The following NTM variants were observed in gnomAD, a reference collection of about 807,000 sequenced individuals.
The protein encoded by NTM is IgLON family member 2.
A neutral mutation model predicts 42.1 loss-of-function variants in NTM; 13 were observed. The ratio of observed to expected loss-of-function variants is 0.31; its 90% confidence interval spans 0.20 to 0.49. The LOEUF is 0.49. NTM is among the 20% of genes least tolerant of loss of function. The pLI is 0.99. For missense variants in NTM, 373 were observed against 452.8 expected, an observed-to-expected ratio of 0.82 and a Z score of 1.60; for synonymous variants, 187 against 179.2, an observed-to-expected ratio of 1.04 and a Z score of -0.35.
chr11:131,727,999 G>T (rs1016075379), intron 1 of NTM, among the ~76,000 whole-genome samples: 3 of 152,180 alleles, frequency 2.0e-5, no homozygotes, highest in Non-Finnish European at 4.4e-5. Flanking sequence ...CGAGGTCAGA[G>T]TAATAACAAC....
chr11:131,432,999 C>G (rs530085741), intron 1 of NTM, among the ~76,000 whole-genome samples: 2 of 151,676 alleles, frequency 1.3e-5, no homozygotes, highest in Non-Finnish European at 2.9e-5. Flanking sequence ...GGACTGCAGG[C>G]GCCCGCCACC....
chr11:131,441,220 G>T (rs537148481), intron 1 of NTM, among the ~76,000 whole-genome samples: 37 of 152,058 alleles, frequency 2.4e-4, no homozygotes, highest in African/African-American at 8.2e-4. Flanking sequence ...GAGCTGATGC[G>T]TCTCCAACCA....
chr11:131,573,575 T>C (rs939271238), intron 1 of NTM: 7 of 152,174 alleles, frequency 4.6e-5, no homozygotes, highest in Non-Finnish European at 1.0e-4. Flanking sequence ...CCCAGGCACA[T>C]CCCGCTCCTC....
chr11:131,951,217 T>C (rs747196073), intron 2 of NTM, among the ~76,000 whole-genome samples: 1 of 152,180 alleles, frequency 6.6e-6, no homozygotes, highest in Non-Finnish European at 1.5e-5. Flanking sequence ...ATGAGGCTCT[T>C]AGTGTAACAG....
In NTM at chr11:132,140,433, C is replaced by T. The variant is rs569146066; in HGVS notation, c.168-5849C>T. Among the ~76,000 whole-genome samples the T allele has an allele frequency of 2.6e-5, 4 of 152,280 alleles. No homozygotes were observed. In the South Asian group the frequency reaches 6.2e-4, roughly 24 times the overall value. On this transcript the variant is annotated intron_variant, in intron 2 of 8. Transcript: ENST00000683400. Reference sequence around the variant, plus strand: ...TAGGAAAGATTCCATGGCCTACCTCCGTTTTCTTATGTCATGCAAAAATGG... The same window carrying T: ...TAGGAAAGATTCCATGGCCTACCTCTGTTTTCTTATGTCATGCAAAAATGG...
intron 2 of NTM, among the ~76,000 whole-genome samples, chr11:132,020,483 G>A (rs2074167948): frequency 6.6e-6 from 1 of 151,528 alleles, no homozygotes; most frequent in Admixed American, 6.6e-5. Context: ...TTTAATTATT[G>A]TATTAATATT....
chr11:131,386,097 A>G (rs1361400659), intron 1 of NTM, among the ~76,000 whole-genome samples: 1 of 152,246 alleles, frequency 6.6e-6, no homozygotes, highest in Admixed American at 6.5e-5. Context: ...AAATAGATAA[A>G]CACAATGAGG....
At chr11:132,096,417 G>A (rs910758298) in intron 2 of NTM, among the ~76,000 whole-genome samples, 1 of 152,136 alleles carries the variant, frequency 6.6e-6, no homozygotes, top group African/African-American at 2.4e-5. Context: ...GGCTGTAATT[G>A]GGTTGAAGGG....
At chr11:131,424,463 C>T (rs541540577) in intron 1 of NTM, among the ~76,000 whole-genome samples, 17 of 152,172 alleles carry the variant, frequency 1.1e-4, no homozygotes, top group Middle Eastern at 6.8e-3. Context: ...AGTTATGCAC[C>T]TTCCTCAAGT....
At chr11:131,374,405 A>G (rs571189298) in intron 1 of NTM, among the ~76,000 whole-genome samples, 1 of 152,310 alleles carries the variant, frequency 6.6e-6, no homozygotes, top group African/African-American at 2.4e-5. Context: ...AGCTTTAGTT[A>G]CCAGGCACAG....
intron 4 of NTM, among the ~76,000 whole-genome samples, chr11:132,299,325 A>T (rs1489687756): frequency 2.0e-5 from 3 of 152,220 alleles, no homozygotes; most frequent in Middle Eastern, 3.4e-3. Flanking sequence ...AACAAAAAAT[A>T]CTATTCATTT....
chr11:131,443,100 C>T (rs544727968), intron 1 of NTM, among the ~76,000 whole-genome samples: 19 of 152,254 alleles, frequency 1.2e-4, no homozygotes, highest in East Asian at 7.7e-4. Context: ...TTTCCATCTC[C>T]GTCTTCAGAA....
intron 1 of NTM, among the ~76,000 whole-genome samples, chr11:131,533,434 G>C (rs11823602): frequency 0.034 from 5,169 of 152,278 alleles, 292 homozygotes; most frequent in African/African-American, 0.11. Flanking sequence ...AGGAGAGAAT[G>C]GGGTAGACGT....
At chr11:131,794,599 C>T in intron 1 of NTM, 1 of 981,750 alleles carries the variant, frequency 1.0e-6, no homozygotes, top group South Asian at 4.8e-5. Context: ...AATAGACCGA[C>T]ACAAAATAAG....
At chr11:131,805,224 G>A (rs1012926356) in intron 1 of NTM, among the ~76,000 whole-genome samples, 5 of 152,230 alleles carry the variant, frequency 3.3e-5, no homozygotes, top group Admixed American at 1.3e-4. Flanking sequence ...CTTCCAACCT[G>A]ACAGAAATTC....
chr11:131,731,465 GC>G (rs2079678978), intron 1 of NTM, among the ~76,000 whole-genome samples: 2 of 152,056 alleles, frequency 1.3e-5, no homozygotes, highest in African/African-American at 4.8e-5. Context: ...TCTAGAAAAG[GC>G]CTTAAATGCT....
intron 4 of NTM, among the ~76,000 whole-genome samples, chr11:132,278,861 T>A (rs966763581): frequency 4.6e-5 from 7 of 151,668 alleles, no homozygotes; most frequent in Non-Finnish European, 1.0e-4. Flanking sequence ...GCTCCTCTCC[T>A]TGTATTTCAT....
chr11:132,107,708 C>T (rs2062592836), intron 2 of NTM, among the ~76,000 whole-genome samples: 1 of 151,996 alleles, frequency 6.6e-6, no homozygotes, highest in African/African-American at 2.4e-5. Flanking sequence ...GCTTACTGTG[C>T]AGCAATGTAT....
intron 4 of NTM, among the ~76,000 whole-genome samples, chr11:132,259,119 T>C (rs1466475672): frequency 6.6e-6 from 1 of 152,194 alleles, no homozygotes; most frequent in Admixed American, 6.5e-5. Context: ...AGGCTGATGA[T>C]AGGTAAGAAT....
Sources: gnomAD v4.1 joint callset for allele counts (sites outside exome capture counted in the v4.1 genomes callset) on GRCh38, gnomAD v4.1.1 for gene constraint, MANE v1.5 for transcripts, NCBI Gene and HGNC (gene_info 2026-07-23, HGNC 2026-07-21) for gene names.